The following BRWD1 variants were observed in gnomAD, a reference collection of about 807,000 sequenced individuals.
The protein encoded by BRWD1 is bromodomain and WD repeat-containing protein 1.
Under a neutral mutation model 251.2 loss-of-function variants are expected in BRWD1, and 82 were observed. That is an observed-to-expected ratio of 0.33 (90% CI 0.27 to 0.39). The LOEUF is 0.39. BRWD1 is among the 10% of genes least tolerant of loss of function. The pLI is 1.00. For missense variants in BRWD1, 2,233 were observed against 2,711.6 expected, an observed-to-expected ratio of 0.82 and a Z score of 3.92; for synonymous variants, 918 against 902.8, an observed-to-expected ratio of 1.02 and a Z score of -0.30.
chr21:39,214,905 G>C (rs983647232), intron 32 of BRWD1, among the ~76,000 whole-genome samples: 1 of 131,240 alleles, frequency 7.6e-6, no homozygotes, highest in Non-Finnish European at 1.6e-5. Context: ...TCTGGAGACA[G>C]AGTTTTGCTC....
chr21:39,235,243 C>CA (rs112686856), intron 23 of BRWD1: 1 of 152,020 alleles, frequency 6.6e-6, no homozygotes. Flanking sequence ...AGACTCCTCT[C>CA]AAAAAATAAA....
chr21:39,190,886 A>G lies in BRWD1; in HGVS notation c.*5373T>C. On this transcript the variant is annotated 3_prime_UTR_variant, in exon 41 of 41. Coordinates refer to ENST00000342449, the MANE Select transcript of BRWD1 (RefSeq NM_033656.4). ...ATTTTTAGGGTTCATTTACTCAATG[A>G]TGGGCACCACACAACTCTGAATTTT... 5 of 985,354 alleles carry G rather than the reference A, an allele frequency of 5.1e-6. No individual in the cohort carries two copies. The highest frequency in any genetic ancestry group is 6.0e-6 in the Non-Finnish European group (5 of 829,890). The allele number at this position is 985,354 out of a possible 1,614,324, so 61.0% of individuals were successfully genotyped here.
At position 39,194,921 on chromosome 21, in the gene BRWD1, CAT is replaced by C; in HGVS notation, c.*1336_*1337del. ...ATAACTTACAGGTGGGGTACTGTAA[CAT>C]ATCCCTTACCCACTAAATATGTAAA... On this transcript the variant is annotated 3_prime_UTR_variant, in exon 41 of 41. Coordinates refer to ENST00000342449, the MANE Select transcript of BRWD1 (RefSeq NM_033656.4). 1 of 1,502,488 alleles carries C rather than the reference CAT, an allele frequency of 6.7e-7. No homozygotes were observed. The highest frequency in any genetic ancestry group is 8.8e-7 in the Non-Finnish European group (1 of 1,130,768). 93.1% of individuals were successfully genotyped at this position (1,502,488 alleles called of 1,614,324 possible).
Position 39,186,379 on chromosome 21 carries a change from TG to T in BRWD1, c.*9879del, listed in dbSNP as rs1359306789. Reference sequence around the variant, plus strand: ...AATATTATAAACAAAATGACATCAATGGACTTTCTCTAATTGCCTATTTCCA... The same window carrying T: ...AATATTATAAACAAAATGACATCAATGACTTTCTCTAATTGCCTATTTCCA... On this transcript the variant is annotated 3_prime_UTR_variant, in exon 41 of 41. Coordinates refer to ENST00000342449, the MANE Select transcript of BRWD1 (RefSeq NM_033656.4). 2 of 152,194 alleles carry T rather than the reference TG, an allele frequency of 1.3e-5. No individual in the cohort carries two copies. The highest frequency in any genetic ancestry group is 4.8e-5 in the African/African-American group (2 of 41,454). The allele number at this position is 152,194 out of a possible 1,614,324, so 9.4% of individuals were successfully genotyped here.
At chr21:39,204,778 A>G (rs1051456138) in intron 37 of BRWD1, among the ~76,000 whole-genome samples, 14 of 152,168 alleles carry the variant, frequency 9.2e-5, no homozygotes, top group African/African-American at 3.4e-4. Context: ...GATCCTCATA[A>G]GGAGCACACA....
intron 4 of BRWD1, among the ~76,000 whole-genome samples, chr21:39,301,192 A>G (rs77607185): frequency 1.3e-5 from 2 of 151,510 alleles, no homozygotes; most frequent in Non-Finnish European, 2.9e-5. Flanking sequence ...AAAAAAAAAA[A>G]GGAAACCACC....
At chr21:39,253,286 C>A (rs1471304797) in intron 19 of BRWD1, among the ~76,000 whole-genome samples, 26 of 83,806 alleles carry the variant, frequency 3.1e-4, no homozygotes, top group South Asian at 9.5e-4. Context: ...GAAACTGTCT[C>A]AAAAAAAAAA....
At chr21:39,248,087 G>A (rs1047624275) in intron 20 of BRWD1, among the ~76,000 whole-genome samples, 1 of 152,078 alleles carries the variant, frequency 6.6e-6, no homozygotes, top group Admixed American at 6.6e-5. Context: ...GGTTTACCAC[G>A]AATGAGGGAA....
chr21:39,201,355 C>A (rs562900054), intron 38 of BRWD1, among the ~76,000 whole-genome samples: 1 of 152,300 alleles, frequency 6.6e-6, no homozygotes, highest in East Asian at 1.9e-4. Flanking sequence ...CTCTGCACAT[C>A]ACTGCCAAAC....
chr21:39,184,502 T>G (rs1419914706), downstream of BRWD1: 3 of 152,228 alleles, frequency 2.0e-5, no homozygotes, highest in Admixed American at 2.0e-4. Context: ...GATTTAGTTG[T>G]ACCGAAATAC....
chr21:39,319,122 T>C (rs1227130623), intron 1 of BRWD1, among the ~76,000 whole-genome samples: 1 of 152,140 alleles, frequency 6.6e-6, no homozygotes, highest in East Asian at 1.9e-4. Context: ...GATAAGCCCT[T>C]AGTCACTAGT....
chr21:39,286,310 G>A (rs990161021), intron 8 of BRWD1, among the ~76,000 whole-genome samples: 7 of 152,014 alleles, frequency 4.6e-5, no homozygotes, highest in East Asian at 1.9e-4. Flanking sequence ...AAGCCACCGC[G>A]CCCGGCCCAT....
At chr21:39,231,910 G>T (rs2033630639) in intron 25 of BRWD1, among the ~76,000 whole-genome samples, 1 of 152,100 alleles carries the variant, frequency 6.6e-6, no homozygotes, top group Non-Finnish European at 1.5e-5. Flanking sequence ...TTTTAAGAGT[G>T]ATAATATATA....
In BRWD1 at chr21:39,187,913, A is replaced by G; in HGVS notation, c.*8346T>C. On this transcript the variant is annotated 3_prime_UTR_variant, in exon 41 of 41. Transcript: ENST00000342449. ...TAAGGGATCAAGGAAGGCTTCCTTT[A>G]AGGAAGCTTTTAGACGAGAGGTGAA... 1 of 980,816 alleles carries G rather than the reference A, an allele frequency of 1.0e-6. No individual in the cohort carries two copies. Among genetic ancestry groups the G allele is most frequent in the East Asian group, 1.1e-4 (1 of 8,786 alleles). 60.8% of individuals were successfully genotyped at this position (980,816 alleles called of 1,614,324 possible).
intron 21 of BRWD1, among the ~76,000 whole-genome samples, chr21:39,244,037 G>A (rs973904389): frequency 6.6e-6 from 1 of 151,848 alleles, no homozygotes; most frequent in Non-Finnish European, 1.5e-5. Context: ...TGATGCTTCG[G>A]TAAGGCAGGG....
chr21:39,194,374 C>T lies in BRWD1; in HGVS notation c.*1885G>A. The stretch of plus-strand genomic sequence containing the variant: ...TTAAATAAATTAATGGATTTGACAT[C>T]TATCACCAGTTTTTAAAATTAGCAA... On this transcript the variant is annotated 3_prime_UTR_variant, in exon 41 of 41. Coordinates refer to ENST00000342449, the MANE Select transcript of BRWD1 (RefSeq NM_033656.4). 1 of 1,096,020 alleles carries T rather than the reference C, an allele frequency of 9.1e-7. No homozygotes were observed. Among genetic ancestry groups the T allele is most frequent in the South Asian group, 3.6e-5 (1 of 27,692 alleles). 67.9% of individuals were successfully genotyped at this position (1,096,020 alleles called of 1,614,324 possible). A position where few individuals can be genotyped will look rare whatever the true frequency, so the allele number is the denominator to read the frequency against.
At chr21:39,315,285 A>G (rs8127986), upstream of BRWD1, among the ~76,000 whole-genome samples, 1 of 151,596 alleles carries the variant, frequency 6.6e-6, no homozygotes, top group Non-Finnish European at 1.5e-5. Context: ...GATTACATGC[A>G]TGAGCCACTG....
chr21:39,189,252 A>C lies in BRWD1; in HGVS notation c.*7007T>G, dbSNP rs78504396. ...GCTGCACCATTTGCATTTGGAAGAA[A>C]AGAACAGATAACTGGTTCATTCCCA... On this transcript the variant is annotated 3_prime_UTR_variant, in exon 41 of 41. Coordinates refer to ENST00000342449, the MANE Select transcript of BRWD1 (RefSeq NM_033656.4). 1 of 984,924 alleles carries C rather than the reference A, an allele frequency of 1.0e-6. No homozygotes were observed. The highest frequency in any genetic ancestry group is 1.2e-6 in the Non-Finnish European group (1 of 829,458). The allele number at this position is 984,924 out of a possible 1,614,324, so 61.0% of individuals were successfully genotyped here.
chr21:39,247,234 T>G (rs1208969249), intron 21 of BRWD1, among the ~76,000 whole-genome samples: 1 of 152,154 alleles, frequency 6.6e-6, no homozygotes, highest in Non-Finnish European at 1.5e-5. Context: ...TGAAATGTAT[T>G]AAAATTTAAT....
Sources: gnomAD v4.1 joint callset for allele counts (sites outside exome capture counted in the v4.1 genomes callset) on GRCh38, gnomAD v4.1.1 for gene constraint, MANE v1.5 for transcripts, NCBI Gene and HGNC (gene_info 2026-07-23, HGNC 2026-07-21) for gene names.